DNMT3A: variants seen among roughly 807,000 people sequenced by gnomAD.
The protein encoded by DNMT3A is DNA (cytosine-5)-methyltransferase 3A.
DNMT3A carries 267 observed loss-of-function variants against 117.6 expected under a neutral mutation model. That is an observed-to-expected ratio of 2.27 (90% CI 2.05 to 2.51). The LOEUF (loss-of-function observed/expected upper bound fraction) is 2.51. Among genes scored for constraint, DNMT3A ranks in the 30% most tolerant of loss-of-function variants. DNMT3A has a pLI of 0.00. For synonymous variants in DNMT3A, 432 were observed against 474.8 expected, an observed-to-expected ratio of 0.91 and a Z score of 1.17; for missense variants, 1,029 against 1,260.2, an observed-to-expected ratio of 0.82 and a Z score of 2.78.
chr2:25,280,312 G>A (rs934617), intron 4 of DNMT3A, among the ~76,000 whole-genome samples: 5,375 of 32,738 alleles, frequency 0.16, 122 homozygotes, highest in South Asian at 0.23. Flanking sequence ...CCCACCCCCC[G>A]CCTCCCCGCC....
At chr2:25,235,574 A>G in intron 22 of DNMT3A, 133 bp downstream of exon 22, 1 of 701,632 alleles carries the variant, frequency 1.4e-6, no homozygotes, top group Non-Finnish European at 2.5e-6. Context: ...ATGTTGGGAA[A>G]TGCTTGATAA....
intron 6 of DNMT3A, among the ~76,000 whole-genome samples, chr2:25,251,227 G>C (rs1361266317): frequency 2.0e-5 from 3 of 151,302 alleles, no homozygotes; most frequent in Non-Finnish European, 4.4e-5. Context: ...TGGGGGAGGG[G>C]CCTCACTAGA....
intron 6 of DNMT3A, among the ~76,000 whole-genome samples, chr2:25,250,843 C>G (rs1321715101): frequency 6.6e-6 from 1 of 152,210 alleles, no homozygotes; most frequent in Non-Finnish European, 1.5e-5. Flanking sequence ...AAAGGACCCG[C>G]TATCAGTTCC....
chr2:25,250,072 G>T (rs568702421), intron 6 of DNMT3A, among the ~76,000 whole-genome samples: 14 of 151,912 alleles, frequency 9.2e-5, no homozygotes, highest in Non-Finnish European at 2.1e-4. Flanking sequence ...ACATAAAAAG[G>T]CACCTGAACG....
Position 25,323,970 on chromosome 2 carries a change from AAGCTCAC to A in DNMT3A, c.-177-9816_-177-9810del, listed in dbSNP as rs1234236794. ...CACAGTCCAGGTCCACCCCACTCAG[AAGCTCAC>A]AGCTCTCCACTCCCTCTCTCACAAT... On this transcript the variant is annotated intron_variant, in intron 1 of 22. Transcript: ENST00000321117. 2.6e-5 allele frequency among the ~76,000 whole-genome samples: 4 copies of A among 152,354 alleles called. No individual in the cohort carries two copies. In the East Asian group the frequency reaches 7.7e-4, roughly 29 times the overall value.
intron 1 of DNMT3A, among the ~76,000 whole-genome samples, chr2:25,334,030 G>A (rs2035114071): frequency 6.6e-6 from 1 of 152,192 alleles, no homozygotes. Context: ...TTCTGTGCTT[G>A]CCTCCAAGTC....
intron 6 of DNMT3A, among the ~76,000 whole-genome samples, chr2:25,265,277 C>A (rs774364953): frequency 6.6e-6 from 1 of 152,194 alleles, no homozygotes; most frequent in Non-Finnish European, 1.5e-5. Flanking sequence ...GAAGAGCATG[C>A]GGCAGGCTGG....
chr2:25,255,920 G>A (rs1325557409), intron 6 of DNMT3A, among the ~76,000 whole-genome samples: 1 of 152,052 alleles, frequency 6.6e-6, no homozygotes, highest in Admixed American at 6.6e-5. Context: ...CATGCCTGAC[G>A]TTTTACTCAA....
At chr2:25,246,530 T>C in intron 10 of DNMT3A, 90 bp downstream of exon 10, 2 of 1,527,716 alleles carry the variant, frequency 1.3e-6, no homozygotes. Flanking sequence ...GTGGAGGCCT[T>C]GGCAGCCCTC....
intron 1 of DNMT3A, among the ~76,000 whole-genome samples, chr2:25,340,047 G>A (rs1186650895): frequency 6.6e-6 from 1 of 152,244 alleles, no homozygotes; most frequent in African/African-American, 2.4e-5. Flanking sequence ...GGCAAGTTGG[G>A]TCACAGGGCG....
intron 12 of DNMT3A, among the ~76,000 whole-genome samples, 174 bp downstream of exon 12, chr2:25,245,846 A>G (rs1674683162): frequency 6.6e-6 from 1 of 152,240 alleles, no homozygotes; most frequent in African/African-American, 2.4e-5. Context: ...CGCCATTGAC[A>G]GGAGAGCAGA....
intron 3 of DNMT3A, among the ~76,000 whole-genome samples, chr2:25,295,791 A>G (rs1227120264): frequency 7.9e-5 from 12 of 152,214 alleles, no homozygotes; most frequent in Admixed American, 7.2e-4. Flanking sequence ...CAGGTTTGTC[A>G]GCATCAAATA....
chr2:25,302,530 C>A (rs2033577195), intron 2 of DNMT3A, among the ~76,000 whole-genome samples: 1 of 152,168 alleles, frequency 6.6e-6, no homozygotes, highest in Admixed American at 6.5e-5. Flanking sequence ...GGGCTCTTTT[C>A]AGGAAAGCAC....
chr2:25,275,993 C>T (rs1017177875), intron 4 of DNMT3A, among the ~76,000 whole-genome samples: 3 of 152,106 alleles, frequency 2.0e-5, no homozygotes, highest in African/African-American at 7.2e-5. Context: ...GAGCGGCCTC[C>T]CTGGCCCTGC....
intron 1 of DNMT3A, among the ~76,000 whole-genome samples, chr2:25,335,824 G>T (rs1044612875): frequency 6.6e-6 from 1 of 152,214 alleles, no homozygotes; most frequent in Non-Finnish European, 1.5e-5. Context: ...AATAGGGATG[G>T]TGGTGAGCAG....
At chr2:25,288,089 G>C (rs1424856428) in intron 3 of DNMT3A, among the ~76,000 whole-genome samples, 2 of 150,006 alleles carry the variant, frequency 1.3e-5, no homozygotes, top group African/African-American at 4.9e-5. Context: ...ACCCACCTCA[G>C]CCTCCCAAAG....
At chr2:25,270,759 G>T (rs1438346351) in intron 6 of DNMT3A, among the ~76,000 whole-genome samples, 1 of 152,212 alleles carries the variant, frequency 6.6e-6, no homozygotes, top group Non-Finnish European at 1.5e-5. Context: ...GCGGCCTTGG[G>T]AAGGCCCAGG....
Position 25,247,344 on chromosome 2 carries a change from T to C in DNMT3A, c.1015-186A>G, listed in dbSNP as rs562385855. 14 of 769,570 alleles carry C rather than the reference T, an allele frequency of 1.8e-5. No homozygotes were observed. The South Asian group carries it at 2.4e-4, about 13-fold the overall frequency. The allele number at this position is 769,570 out of a possible 1,614,324, so 47.7% of individuals were successfully genotyped here. A position where few individuals can be genotyped will look rare whatever the true frequency, so the allele number is the denominator to read the frequency against. On this transcript the variant is annotated intron_variant, in intron 8 of 22. Coordinates refer to ENST00000321117, the MANE Select transcript of DNMT3A (RefSeq NM_022552.5). This position sits in a 1 kb window ranked among gnomAD's most constrained non-coding sequence, Gnocchi z 5.6. Reference sequence around the variant, plus strand: ...GACCAAGAGTAGGGAAGTACCTGAGTGCAGGTGGAAAGGAATTCTAGTGAA... The same window carrying C: ...GACCAAGAGTAGGGAAGTACCTGAGCGCAGGTGGAAAGGAATTCTAGTGAA...
Position 25,257,225 on chromosome 2 carries a change from C to CAG in DNMT3A, c.640-8974_640-8973insCT, listed in dbSNP as rs923269945. Among the ~76,000 whole-genome samples the CAG allele has an allele frequency of 1.3e-5, 2 of 152,194 alleles. No individual in the cohort carries two copies. Among genetic ancestry groups the CAG allele is most frequent in the African/African-American group, 4.8e-5 (2 of 41,444 alleles). The stretch of plus-strand genomic sequence containing the variant: ...CTAAGGAGACCAGTCGCAGAGAGAG[C>CAG]AACTAAGCAGGGGGAAGGTGTCAGA... On this transcript the variant is annotated intron_variant, in intron 6 of 22. Transcript: ENST00000321117. The surrounding 1 kb of genome is among the most constrained non-coding windows in gnomAD (Gnocchi z 4.8).
Sources: allele counts gnomAD v4.1 joint callset (sites outside exome capture counted in the v4.1 genomes callset), GRCh38; gene constraint gnomAD v4.1.1; non-coding constraint Gnocchi (gnomAD v3.1); transcripts MANE v1.5; gene names NCBI Gene and HGNC (gene_info 2026-07-23, HGNC 2026-07-21).